PTAFR: variants seen among roughly 807,000 people sequenced by gnomAD.
PTAFR encodes platelet-activating factor receptor.
Under a neutral mutation model 14.7 loss-of-function variants are expected in PTAFR, and 8 were observed. The ratio of observed to expected loss-of-function variants is 0.54; its 90% CI spans 0.32 to 0.98. PTAFR has a LOEUF of 0.98. PTAFR is among the 50% of genes least tolerant of loss of function. The probability of loss-of-function intolerance (pLI) is 0.04; values close to 1 mark genes in which losing one functional copy is unlikely to be tolerated. For missense variants in PTAFR, 337 were observed against 451.2 expected, an observed-to-expected ratio of 0.75 and a Z score of 2.29; for synonymous variants, 156 against 176.5, an observed-to-expected ratio of 0.88 and a Z score of 0.92.
rs570632098 is a variant in PTAFR at position 28,191,752 on chromosome 1, C to CT, written c.-39+1969dup. ...ACTTGCTAATTTGTTAACTCTCTCT[C>CT]TTTTTTTTTTTTAATTAAAAAAAAA... On this transcript the variant is annotated intron_variant, in intron 1 of 1. Transcript: ENST00000305392. 2.2e-4 allele frequency among the ~76,000 whole-genome samples: 32 copies of CT among 144,166 alleles called. No homozygotes were observed. The East Asian group carries it at 3.9e-3, about 17-fold the overall frequency. The allele number at this position is 144,166 out of a possible 152,430, so 94.6% of individuals were successfully genotyped here.
At chr1:28,159,012 T>C (rs1557687862) in intron 1 of PTAFR, among the ~76,000 whole-genome samples, 1 of 152,112 alleles carries the variant, frequency 6.6e-6, no homozygotes, top group African/African-American at 2.4e-5. Flanking sequence ...ATGGACAGAA[T>C]TTGGTAACGG....
intron 1 of PTAFR, among the ~76,000 whole-genome samples, chr1:28,163,196 C>T (rs1271834162): frequency 1.3e-5 from 2 of 152,186 alleles, no homozygotes; most frequent in Non-Finnish European, 2.9e-5. Flanking sequence ...CTCTGGGATG[C>T]CTTCCCTGAT....
intron 1 of PTAFR, among the ~76,000 whole-genome samples, chr1:28,193,313 G>A (rs1444547928): frequency 6.6e-6 from 1 of 152,052 alleles, no homozygotes; most frequent in Non-Finnish European, 1.5e-5. Context: ...CTGTAAGGAT[G>A]TTTTCCCTTG....
intron 1 of PTAFR, among the ~76,000 whole-genome samples, chr1:28,190,460 A>G (rs558561514): frequency 1.3e-5 from 2 of 152,154 alleles, no homozygotes; most frequent in Admixed American, 1.3e-4. Context: ...CTGTTTTGTA[A>G]TATTATTCTA....
At chr1:28,186,403 T>C (rs1646606744) in intron 1 of PTAFR, among the ~76,000 whole-genome samples, 1 of 152,112 alleles carries the variant, frequency 6.6e-6, no homozygotes, top group African/African-American at 2.4e-5. Context: ...ATAATCAAAA[T>C]ACAAATTCTT....
At chr1:28,192,641 T>C (rs951060628) in intron 1 of PTAFR, among the ~76,000 whole-genome samples, 9 of 151,770 alleles carry the variant, frequency 5.9e-5, no homozygotes, top group Non-Finnish European at 1.3e-4. Flanking sequence ...TGCTGGGTTT[T>C]TTTTTTGTTT....
In PTAFR at chr1:28,150,542, T is replaced by C. The variant is rs952710978; in HGVS notation, c.480A>G (p.Thr160=). 1 of 1,614,148 alleles carries C rather than the reference T, an allele frequency of 6.2e-7. No homozygotes were observed. The highest frequency in any genetic ancestry group is 8.5e-7 in the Non-Finnish European group (1 of 1,180,020). ...SYFLILDSTN[T]VPDSAGSGNV... is the part of the protein sequence containing the mutation. The stretch of plus-strand genomic sequence containing the variant: ...TGCCTGAGCCAGCACTGTCGGGCAC[T>C]GTGTTGGTGGAGTCCAGGATGAGGA... Residue 160 remains threonine, a synonymous_variant, in exon 2 of 2, where the codon ACA becomes ACG. Transcript: ENST00000373857. The surrounding 1 kb of genome is among the most constrained non-coding windows in gnomAD (Gnocchi z 6.3).
intron 1 of PTAFR, among the ~76,000 whole-genome samples, chr1:28,153,812 C>T (rs555683380): frequency 3.1e-4 from 47 of 151,882 alleles, no homozygotes; most frequent in Admixed American, 7.2e-4. Context: ...CGCTTAAACC[C>T]GGGAGGCGGA....
intron 1 of PTAFR, among the ~76,000 whole-genome samples, chr1:28,174,755 C>G (rs1055164960): frequency 6.6e-6 from 1 of 152,180 alleles, no homozygotes; most frequent in Non-Finnish European, 1.5e-5. Flanking sequence ...CAACAGTGAA[C>G]AAAACAGTTT....
intron 1 of PTAFR, among the ~76,000 whole-genome samples, chr1:28,182,366 AAGGG>A (rs528222534): frequency 2.4e-3 from 354 of 146,384 alleles, no homozygotes; most frequent in Non-Finnish European, 4.4e-3. Context: ...AAAAGGAAGG[AAGGG>A]AGGGAGGGAG....
intron 1 of PTAFR, among the ~76,000 whole-genome samples, chr1:28,159,424 G>A (rs1212334639): frequency 6.6e-6 from 1 of 152,164 alleles, no homozygotes; most frequent in Non-Finnish European, 1.5e-5. Flanking sequence ...CACTGGATGT[G>A]GAAACATGGA....
intron 1 of PTAFR, among the ~76,000 whole-genome samples, chr1:28,167,559 T>A (rs1646399213): frequency 6.8e-6 from 1 of 146,038 alleles, no homozygotes; most frequent in Non-Finnish European, 1.5e-5. Context: ...CTCAAAAAAC[T>A]AAAATTAGAA....
chr1:28,183,706 T>C (rs546020356), intron 1 of PTAFR, among the ~76,000 whole-genome samples: 34 of 152,204 alleles, frequency 2.2e-4, no homozygotes, highest in African/African-American at 8.2e-4. Flanking sequence ...TGCCCTCTAG[T>C]GAAACCCCGT....
intron 1 of PTAFR, among the ~76,000 whole-genome samples, chr1:28,154,024 C>G (rs1488980691): frequency 1.4e-5 from 2 of 147,182 alleles, no homozygotes; most frequent in African/African-American, 5.0e-5. Flanking sequence ...ACTGACATTC[C>G]AGCCTAGATG....
chr1:28,159,594 T>C (rs1360511297), intron 1 of PTAFR, among the ~76,000 whole-genome samples: 1 of 152,048 alleles, frequency 6.6e-6, no homozygotes, highest in Admixed American at 6.6e-5. Context: ...TCCCAGCACT[T>C]TGGGAGGCCG....
chr1:28,167,462 G>T (rs1169893356), intron 1 of PTAFR, among the ~76,000 whole-genome samples: 1 of 152,050 alleles, frequency 6.6e-6, no homozygotes, highest in Admixed American at 6.6e-5. Context: ...AAATGTGTCA[G>T]CAAGGATGTG....
intron 1 of PTAFR, among the ~76,000 whole-genome samples, chr1:28,184,274 G>A (rs929678643): frequency 1.1e-4 from 16 of 151,784 alleles, no homozygotes; most frequent in African/African-American, 3.6e-4. Context: ...TGTATTTTTA[G>A]TAGAGACGGG....
rs1646173349 is a variant in PTAFR at position 28,150,632 on chromosome 1, G to A, written c.390C>T (p.Thr130=). Residue 130 remains threonine, a synonymous_variant, in exon 2 of 2, where the codon ACC becomes ACT. Transcript: ENST00000373857. This position sits in a 1 kb window ranked among gnomAD's most constrained non-coding sequence, Gnocchi z 6.3. ...TRPIKTAQAN[T]RKRGISLSLV... ...AGGACAAAGAGATGCCACGCTTGCG[G>A]GTGTTGGCCTGAGCAGTCTTGATGG... is the stretch of plus-strand genomic sequence containing the variant. 6.2e-7 allele frequency: 1 copy of A among 1,614,190 alleles called. No homozygotes were observed. The highest frequency in any genetic ancestry group is 8.5e-7 in the Non-Finnish European group (1 of 1,180,040).
intron 1 of PTAFR, among the ~76,000 whole-genome samples, chr1:28,191,744 C>G (rs1394506190): frequency 6.6e-6 from 1 of 150,832 alleles, no homozygotes; most frequent in African/African-American, 2.4e-5. Context: ...AATTTGTTAA[C>G]TCTCTCTCTT....
Sources: gnomAD v4.1 joint callset for allele counts (sites outside exome capture counted in the v4.1 genomes callset) on GRCh38, gnomAD v4.1.1 for gene constraint, Gnocchi (gnomAD v3.1) non-coding constraint, MANE v1.5 for transcripts, NCBI Gene and HGNC (gene_info 2026-07-23, HGNC 2026-07-21) for gene names.